The following FRAS1 variants were observed in gnomAD, a reference collection of about 807,000 sequenced individuals.
The protein encoded by FRAS1 is extracellular matrix organizing protein FRAS1.
A neutral mutation model predicts 435.2 loss-of-function variants in FRAS1; 290 were observed. The observed-to-expected ratio is 0.67, with a 90% CI of 0.61 to 0.73. The LOEUF is 0.73. Ranked by LOEUF, FRAS1 falls within the 30% of genes least tolerant of loss-of-function variation. The probability of loss-of-function intolerance (pLI) is 0.00; values close to 1 mark genes in which losing one functional copy is unlikely to be tolerated. For missense variants in FRAS1, 4,860 were observed against 5,001.5 expected (o/e 0.97, Z 0.85); for synonymous variants, 1,800 against 1,851.0 (o/e 0.97, Z 0.71).
chr4:78,515,012 G>A (rs1267345520), intron 65 of FRAS1, among the ~76,000 whole-genome samples: 3 of 147,990 alleles, frequency 2.0e-5, no homozygotes, highest in South Asian at 2.1e-4. Context: ...AGGTTGCAGT[G>A]AGCCGAGATC....
chr4:78,384,859 G>T (rs902031734), intron 28 of FRAS1, among the ~76,000 whole-genome samples: 1 of 141,718 alleles, frequency 7.1e-6, no homozygotes, highest in Admixed American at 7.5e-5. Flanking sequence ...AATGAATGAC[G>T]ATCATGCCAC....
At chr4:78,196,734 A>G (rs544352955) in intron 2 of FRAS1, among the ~76,000 whole-genome samples, 2 of 152,180 alleles carry the variant, frequency 1.3e-5, no homozygotes, top group South Asian at 2.1e-4. Flanking sequence ...TCTGTTCCTC[A>G]GAAGTATTGA....
intron 4 of FRAS1, among the ~76,000 whole-genome samples, chr4:78,245,997 C>T (rs1457465965): frequency 6.6e-6 from 1 of 152,138 alleles, no homozygotes; most frequent in Admixed American, 6.6e-5. Context: ...CTCACCTTCC[C>T]CCTTTTGAGA....
At chr4:78,495,404 C>G (rs1262799223) in intron 59 of FRAS1, among the ~76,000 whole-genome samples, 1 of 152,112 alleles carries the variant, frequency 6.6e-6, no homozygotes, top group African/African-American at 2.4e-5. Context: ...ACACATCACC[C>G]TAGATTCTTC....
Position 78,507,744 on chromosome 4 carries a change from C to G in FRAS1, c.9504+136C>G, listed in dbSNP as rs565367464. ...AGGAGCCATCTTGCCTTCCATCATC[C>G]CCTTTCCAGAGGACATTTAAGCAAT... On this transcript the variant is annotated intron_variant, in intron 62 of 73. Transcript: ENST00000512123. The G allele has an allele frequency of 5.0e-6, 4 of 803,128 alleles. No individual in the cohort carries two copies. In the African/African-American group the frequency reaches 7.2e-5, roughly 15 times the overall value. The allele number at this position is 803,128 out of a possible 1,614,324, so 49.8% of individuals were successfully genotyped here.
chr4:78,413,691 A>G (rs13113556), intron 32 of FRAS1, among the ~76,000 whole-genome samples: 11,670 of 152,310 alleles, frequency 0.077, 514 homozygotes, highest in South Asian at 0.099. Flanking sequence ...AAACAGTTCA[A>G]CAAGACTGGA....
intron 23 of FRAS1, among the ~76,000 whole-genome samples, chr4:78,371,094 T>TTTTTTTTTTTTTTTC (rs1731488910): frequency 6.7e-6 from 1 of 150,006 alleles, no homozygotes; most frequent in Non-Finnish European, 1.5e-5. Flanking sequence ...TTTTTTTGTT[T>TTTTTTTTTTTTTTTC]TTTTTTTTTT....
At chr4:78,461,043 G>A (rs1719355476) in intron 47 of FRAS1, among the ~76,000 whole-genome samples, 1 of 152,154 alleles carries the variant, frequency 6.6e-6, no homozygotes, top group Non-Finnish European at 1.5e-5. Flanking sequence ...TCAGGTTCTA[G>A]ATGCAACTTG....
chr4:78,531,856 A>C (rs775071662), intron 70 of FRAS1, among the ~76,000 whole-genome samples: 4 of 152,220 alleles, frequency 2.6e-5, no homozygotes, highest in Non-Finnish European at 4.4e-5. Flanking sequence ...GCTTACACCC[A>C]AATCTTAACA....
intron 30 of FRAS1, among the ~76,000 whole-genome samples, chr4:78,403,520 T>A (rs1380400583): frequency 6.6e-6 from 1 of 152,146 alleles, no homozygotes; most frequent in Non-Finnish European, 1.5e-5. Flanking sequence ...CAGTCCCAAT[T>A]ACGTAAATTT....
At chr4:78,207,167 T>A (rs1393037814) in intron 2 of FRAS1, among the ~76,000 whole-genome samples, 1 of 152,236 alleles carries the variant, frequency 6.6e-6, no homozygotes, top group African/African-American at 2.4e-5. Context: ...TGTAATACAA[T>A]CCTTGCAAAG....
intron 6 of FRAS1, among the ~76,000 whole-genome samples, chr4:78,258,767 A>G (rs2110142367): frequency 6.8e-6 from 1 of 147,982 alleles, no homozygotes; most frequent in Non-Finnish European, 1.5e-5. Flanking sequence ...CAGGTTAGTT[A>G]CATATGTATA....
In FRAS1 at chr4:78,537,011, C is replaced by A. The variant is rs763276176; in HGVS notation, c.11109C>A (p.Gly3703=). ...TCTTTTCAGGTCAAATCCTTTATGGCCGAGTACTTTGGAATCCAGAACAAA... is the reference window on the plus strand; with the variant it reads ...TCTTTTCAGGTCAAATCCTTTATGGACGAGTACTTTGGAATCCAGAACAAA... ...GAFSKGQILY[G]RVLWNPEQNL... Residue 3703 remains glycine (G), a synonymous_variant, in exon 72 of 74, where the codon GGC becomes GGA. Transcript: ENST00000512123. 4 of 1,613,698 alleles carry A rather than the reference C, an allele frequency of 2.5e-6. No individual in the cohort carries two copies. In the Admixed American group the frequency reaches 6.7e-5, roughly 27 times the overall value.
At chr4:78,182,781 G>A (rs1406216481) in intron 2 of FRAS1, among the ~76,000 whole-genome samples, 1 of 151,680 alleles carries the variant, frequency 6.6e-6, no homozygotes, top group Non-Finnish European at 1.5e-5. Context: ...TTGGGAGGCT[G>A]AGGCACGAGA....
intron 2 of FRAS1, among the ~76,000 whole-genome samples, chr4:78,128,223 G>A (rs1294386083): frequency 3.9e-5 from 6 of 152,122 alleles, no homozygotes; most frequent in Non-Finnish European, 7.3e-5. Flanking sequence ...ACGTGTGCAT[G>A]TGTCTTTATA....
intron 62 of FRAS1, among the ~76,000 whole-genome samples, chr4:78,508,315 G>T (rs1276969327): frequency 6.6e-6 from 1 of 152,090 alleles, no homozygotes; most frequent in African/African-American, 2.4e-5. Flanking sequence ...CTCTTATTTG[G>T]CCATGGAAGA....
rs999877838 is a variant in FRAS1 at position 78,161,957 on chromosome 4, T to C, written c.109-75553T>C. Among the ~76,000 whole-genome samples, 22 of 152,170 alleles carry C rather than the reference T, an allele frequency of 1.4e-4. 1 individual carries two copies. The highest frequency in any genetic ancestry group is 5.3e-4 in the African/African-American group (22 of 41,536). ...TCATAGAAAGCTGTTATAAAGACTT[T>C]GCCTTCCATAAATAAATTTGATGAA... On this transcript the variant is annotated intron_variant, in intron 2 of 73. Coordinates refer to ENST00000512123, the MANE Select transcript of FRAS1 (RefSeq NM_025074.7).
Position 78,333,253 on chromosome 4 carries a change from T to C in FRAS1, c.2138-19T>C, listed in dbSNP as rs1243399851. 1 of 1,595,618 alleles carries C rather than the reference T, an allele frequency of 6.3e-7. No homozygotes were observed. Among genetic ancestry groups the C allele is most frequent in the Non-Finnish European group, 8.5e-7 (1 of 1,171,912 alleles). ...GTGGGGCTTTCCTGATTGTCTCCTTTGCTTTATCTTTCCCCCAGCTTGCCA... is the reference window on the plus strand; with the variant it reads ...GTGGGGCTTTCCTGATTGTCTCCTTCGCTTTATCTTTCCCCCAGCTTGCCA... On this transcript the variant is annotated intron_variant, in intron 18 of 73. Transcript: ENST00000512123.
At chr4:78,395,312 C>T (rs1050507869) in intron 29 of FRAS1, among the ~76,000 whole-genome samples, 1 of 151,984 alleles carries the variant, frequency 6.6e-6, no homozygotes, top group Non-Finnish European at 1.5e-5. Context: ...TCCATATGTG[C>T]TGGAGAAGAA....
Sources: allele counts gnomAD v4.1 joint callset (sites outside exome capture counted in the v4.1 genomes callset), GRCh38; gene constraint gnomAD v4.1.1; transcripts MANE v1.5; gene names NCBI Gene and HGNC (gene_info 2026-07-23, HGNC 2026-07-21).